The following UNC13C variants were observed in gnomAD, a reference collection of about 807,000 sequenced individuals.
UNC13C encodes unc-13 homolog C.
A neutral mutation model predicts 245.4 loss-of-function variants in UNC13C; 174 were observed. That is an observed-to-expected ratio of 0.71 (90% CI 0.63 to 0.80). The LOEUF (loss-of-function observed/expected upper bound fraction) is 0.80. Ranked by LOEUF, UNC13C falls within the 30% of genes least tolerant of loss-of-function variation. The pLI, the probability that UNC13C is intolerant of heterozygous loss-of-function variation, is 0.00. For synonymous variants in UNC13C, 992 were observed against 895.1 expected, an observed-to-expected ratio of 1.11 and a Z score of -1.93; for missense variants, 2,829 against 2,602.9, an observed-to-expected ratio of 1.09 and a Z score of -1.89.
At chr15:54,255,219 G>C (rs531338383) in intron 8 of UNC13C, among the ~76,000 whole-genome samples, 51 of 152,248 alleles carry the variant, frequency 3.3e-4, no homozygotes, top group Admixed American at 1.3e-3. Flanking sequence ...CTTATCGCAA[G>C]GACAGAGGGC....
the UNC13C span, among the ~76,000 whole-genome samples, chr15:53,890,286 C>A: frequency 6.6e-6 from 1 of 152,072 alleles, no homozygotes; most frequent in South Asian, 2.1e-4. Flanking sequence ...GGACTACATG[C>A]ACCTGCCATC....
At chr15:53,911,046 C>T in the UNC13C span, 1 of 152,236 alleles carries the variant, frequency 6.6e-6, no homozygotes, top group Non-Finnish European at 1.5e-5. Flanking sequence ...GGAGAGGTCT[C>T]CTGCAAGTGT....
At chr15:54,560,163 A>T (rs193072280) in intron 29 of UNC13C, among the ~76,000 whole-genome samples, 100 of 152,154 alleles carry the variant, frequency 6.6e-4, no homozygotes, top group African/African-American at 2.4e-3. Flanking sequence ...GGATTTGCCG[A>T]AAATATGATA....
intron 7 of UNC13C, among the ~76,000 whole-genome samples, chr15:54,241,517 G>A (rs777987120): frequency 2.0e-5 from 3 of 152,138 alleles, no homozygotes; most frequent in African/African-American, 7.2e-5. Flanking sequence ...TGAAGTGAAA[G>A]GGGCCTGAAT....
chr15:54,117,261 C>T (rs1010492450), intron 2 of UNC13C, among the ~76,000 whole-genome samples: 1 of 151,950 alleles, frequency 6.6e-6, no homozygotes, highest in African/African-American at 2.4e-5. Context: ...CTTTGCTGTG[C>T]CAGGACCTTT....
intron 24 of UNC13C, among the ~76,000 whole-genome samples, chr15:54,522,647 C>T (rs773141722): frequency 4.3e-4 from 65 of 152,158 alleles, no homozygotes; most frequent in Non-Finnish European, 6.2e-4. Flanking sequence ...ATCATCTGAA[C>T]CATACTTTGG....
At chr15:53,870,075 C>T in the UNC13C span, among the ~76,000 whole-genome samples, 317 of 152,306 alleles carry the variant, frequency 2.1e-3, no homozygotes, top group African/African-American at 6.6e-3. Flanking sequence ...TTCCCACCAG[C>T]CTGACTGTAC....
At chr15:54,546,258 G>A (rs183852049) in intron 26 of UNC13C, among the ~76,000 whole-genome samples, 1 of 152,288 alleles carries the variant, frequency 6.6e-6, no homozygotes, top group Admixed American at 6.5e-5. Context: ...TCATAAGTGG[G>A]AGTTGAACAA....
upstream of UNC13C, among the ~76,000 whole-genome samples, chr15:53,976,475 C>CTTTTTTTTTT (rs879775519): frequency 0.013 from 817 of 63,204 alleles, 2 homozygotes; most frequent in Non-Finnish European, 0.018. Flanking sequence ...CTCTCTCTCT[C>CTTTTTTTTTT]TCTTTTTTTT....
At chr15:54,321,902 T>C in intron 13 of UNC13C, 37 bp from the exon 14 acceptor site, 1 of 1,535,628 alleles carries the variant, frequency 6.5e-7, no homozygotes, top group African/African-American at 1.4e-5. Context: ...TTAATTAATT[T>C]CTGTCTTAAA....
chr15:53,951,340 C>G, the UNC13C span, among the ~76,000 whole-genome samples: 1 of 152,210 alleles, frequency 6.6e-6, no homozygotes, highest in Admixed American at 6.5e-5. Flanking sequence ...TGTATAAAGG[C>G]TTCCTATGGT....
intron 4 of UNC13C, among the ~76,000 whole-genome samples, chr15:54,223,748 A>G (rs1455228052): frequency 1.3e-5 from 2 of 151,980 alleles, no homozygotes; most frequent in Non-Finnish European, 2.9e-5. Context: ...TTTTAACAAT[A>G]TTAGTTCCTC....
chr15:53,879,228 C>A, the UNC13C span, among the ~76,000 whole-genome samples: 1 of 152,200 alleles, frequency 6.6e-6, no homozygotes, highest in African/African-American at 2.4e-5. Context: ...ATAGCACAAT[C>A]ATGGCTCATT....
chr15:53,906,213 C>A, the UNC13C span, among the ~76,000 whole-genome samples: 2 of 152,102 alleles, frequency 1.3e-5, no homozygotes, highest in East Asian at 1.9e-4. Flanking sequence ...GTAGTCCCAG[C>A]TACTAGGGAG....
intron 17 of UNC13C, among the ~76,000 whole-genome samples, chr15:54,383,188 C>T (rs1425396889): frequency 4.6e-5 from 7 of 152,126 alleles, no homozygotes; most frequent in African/African-American, 1.2e-4. Flanking sequence ...CCTACTCATT[C>T]TATGAGGCTA....
chr15:54,407,856 A>T (rs1018918003), intron 18 of UNC13C, among the ~76,000 whole-genome samples: 2 of 152,134 alleles, frequency 1.3e-5, no homozygotes, highest in Non-Finnish European at 2.9e-5. Flanking sequence ...AAAAAGAAAG[A>T]AAAAGTTAAC....
chr15:53,952,462 A>G, the UNC13C span, among the ~76,000 whole-genome samples: 1 of 152,156 alleles, frequency 6.6e-6, no homozygotes, highest in African/African-American at 2.4e-5. Flanking sequence ...CTTCTAACCT[A>G]TCAATTAATT....
upstream of UNC13C, chr15:53,975,031 C>G (rs948840250): frequency 8.5e-5 from 13 of 152,308 alleles, no homozygotes; most frequent in African/African-American, 3.1e-4. Flanking sequence ...GCTTGAGTAT[C>G]CTCATGACAT....
At chr15:54,320,155 A>G (rs570303747) in intron 13 of UNC13C, among the ~76,000 whole-genome samples, 21 of 152,122 alleles carry the variant, frequency 1.4e-4, no homozygotes, top group Middle Eastern at 6.8e-3. Flanking sequence ...ATGTATATTG[A>G]GAGGAGGGTG....
Sources: allele counts gnomAD v4.1 joint callset (sites outside exome capture counted in the v4.1 genomes callset), GRCh38; gene constraint gnomAD v4.1.1; transcripts MANE v1.5; gene names NCBI Gene and HGNC (gene_info 2026-07-23, HGNC 2026-07-21).